CTNNA2: variants seen among roughly 807,000 people sequenced by gnomAD.
CTNNA2 encodes the protein catenin alpha 2.
Under a neutral mutation model 101.0 loss-of-function variants are expected in CTNNA2, and 42 were observed. That is an observed-to-expected ratio of 0.42 (90% CI 0.32 to 0.54). CTNNA2 has a LOEUF of 0.54. Ranked by LOEUF, CTNNA2 falls within the 20% of genes least tolerant of loss-of-function variation. The probability of loss-of-function intolerance (pLI) is 0.14; values close to 1 mark genes in which losing one functional copy is unlikely to be tolerated. For synonymous variants in CTNNA2, 450 were observed against 456.4 expected, an observed-to-expected ratio of 0.99 and a Z score of 0.18; for missense variants, 871 against 1,223.1, an observed-to-expected ratio of 0.71 and a Z score of 4.29.
At chr2:80,419,682 G>A (rs1680344469) in intron 9 of CTNNA2, 81 bp downstream of exon 9, 2 of 1,386,076 alleles carry the variant, frequency 1.4e-6, no homozygotes, top group Admixed American at 4.2e-5. Flanking sequence ...TCACTAGAGA[G>A]ATATTCTATT....
chr2:79,380,208 A>G lies in CTNNA2; in HGVS notation c.-135+6195A>G, dbSNP rs979903545. Among the ~76,000 whole-genome samples the G allele has an allele frequency of 3.9e-5, 6 of 152,122 alleles. No individual in the cohort carries two copies. In the East Asian group the frequency reaches 7.7e-4, roughly 20 times the overall value. On this transcript the variant is annotated intron_variant, in intron 4 of 21. Coordinates refer to the CTNNA2 transcript ENST00000466387. ...CAGAGTCTTGTTTAGAGAAAAAGGT[A>G]TCACAGGGAATAAAATTGCAGTAGG... is the stretch of plus-strand genomic sequence containing the variant.
chr2:80,105,814 CTGTT>C (rs1452962739), intron 7 of CTNNA2, among the ~76,000 whole-genome samples: 2 of 152,112 alleles, frequency 1.3e-5, no homozygotes, highest in Non-Finnish European at 2.9e-5. Context: ...ACCCCTAGTT[CTGTT>C]TGTTTGTGCT....
At chr2:79,504,161 A>G (rs556443088) in intron 4 of CTNNA2, among the ~76,000 whole-genome samples, 20 of 152,306 alleles carry the variant, frequency 1.3e-4, no homozygotes, top group African/African-American at 4.6e-4. Context: ...AGATAAAGAA[A>G]GTTATTCTAA....
chr2:80,229,790 A>G lies in CTNNA2; in HGVS notation c.1057-163421A>G, dbSNP rs577434033. 6.6e-5 allele frequency among the ~76,000 whole-genome samples: 10 copies of G among 152,302 alleles called. No homozygotes were observed. In the South Asian group the frequency reaches 2.1e-3, roughly 32 times the overall value. ...GACCTTCCAAAAGTTACTCATTAAC[A>G]TAAACTCAGGTAAGGATGAAAGGGA... is the stretch of plus-strand genomic sequence containing the variant. On this transcript the variant is annotated intron_variant, in intron 7 of 18. Coordinates refer to ENST00000402739, the MANE Select transcript of CTNNA2 (RefSeq NM_001282597.3).
chr2:80,390,883 G>A (rs560243507), intron 7 of CTNNA2, among the ~76,000 whole-genome samples: 9 of 152,168 alleles, frequency 5.9e-5, no homozygotes, highest in African/African-American at 7.2e-5. Flanking sequence ...TGTAATACCA[G>A]CACTTAGGGA....
chr2:79,657,772 A>G lies in CTNNA2; in HGVS notation c.102+6114A>G, dbSNP rs532725983. ...AAAAATAGGATTTTTAAAGAATATA[A>G]TGGTGGCCTATATTTAGAAAACAAA... On this transcript the variant is annotated intron_variant, in intron 2 of 18. Transcript: ENST00000402739. Among the ~76,000 whole-genome samples the G allele has an allele frequency of 1.6e-4, 25 of 151,970 alleles. No individual in the cohort carries two copies. The South Asian group carries it at 2.3e-3, about 14-fold the overall frequency.
At chr2:79,656,026 G>T (rs531278500) in intron 2 of CTNNA2, among the ~76,000 whole-genome samples, 2 of 152,108 alleles carry the variant, frequency 1.3e-5, no homozygotes, top group South Asian at 4.1e-4. Context: ...GGCACTGTAA[G>T]TAGTCTTAAC....
chr2:79,841,850 T>C (rs1206391901), intron 3 of CTNNA2, among the ~76,000 whole-genome samples: 2 of 152,208 alleles, frequency 1.3e-5, no homozygotes, highest in African/African-American at 4.8e-5. Context: ...GGCTGTAAAG[T>C]TGTCTCTAGT....
chr2:80,533,638 C>G (rs1416222666), intron 9 of CTNNA2, among the ~76,000 whole-genome samples: 1 of 152,110 alleles, frequency 6.6e-6, no homozygotes, highest in African/African-American at 2.4e-5. Context: ...AGAGATGGAT[C>G]CTGGAGTTTT....
chr2:79,530,569 A>T (rs1297797754), intron 1 of CTNNA2, among the ~76,000 whole-genome samples: 1 of 152,104 alleles, frequency 6.6e-6, no homozygotes, highest in African/African-American at 2.4e-5. Context: ...CAGGCAGGAA[A>T]GGAGATCATA....
rs191783020 is a variant in CTNNA2, at chr2:79,247,096, A to C, written c.-406+49020A>C. 6.7e-3 allele frequency among the ~76,000 whole-genome samples: 1,024 copies of C among 152,282 alleles called. 7 individuals are homozygous for C. Among genetic ancestry groups the C allele is most frequent in the Admixed American group, 0.011 (164 of 15,296 alleles). On this transcript the variant is annotated intron_variant, in intron 2 of 21. Transcript: ENST00000466387. Reference sequence around the variant, plus strand: ...GCATGCTCAGTATCTTGTATTAGGCAGAGACAGCTTTTAGGAACCACTTGT... The same window carrying C: ...GCATGCTCAGTATCTTGTATTAGGCCGAGACAGCTTTTAGGAACCACTTGT...
intron 3 of CTNNA2, among the ~76,000 whole-genome samples, chr2:79,317,002 G>C (rs1261453650): frequency 1.3e-5 from 2 of 151,950 alleles, no homozygotes; most frequent in African/African-American, 2.4e-5. Flanking sequence ...TTCAGTCTTT[G>C]ATCTTTAAGT....
upstream of CTNNA2, among the ~76,000 whole-genome samples, chr2:79,509,523 A>G (rs1264853999): frequency 6.6e-6 from 1 of 152,192 alleles, no homozygotes; most frequent in Non-Finnish European, 1.5e-5. Context: ...TACATATTGC[A>G]TGACCCCAAC....
chr2:80,309,111 A>G (rs975187819), intron 7 of CTNNA2, among the ~76,000 whole-genome samples: 2 of 151,908 alleles, frequency 1.3e-5, no homozygotes, highest in African/African-American at 2.4e-5. Flanking sequence ...AAAGAAAAAA[A>G]AGAGAGAGAG....
intron 7 of CTNNA2, among the ~76,000 whole-genome samples, chr2:79,993,956 T>C (rs1012362081): frequency 6.6e-6 from 1 of 152,196 alleles, no homozygotes; most frequent in Non-Finnish European, 1.5e-5. Flanking sequence ...CAGGCTGGAA[T>C]GCAGTGACAC....
intron 11 of CTNNA2, 33 bp downstream of exon 11, chr2:80,546,096 G>A (rs1195702332): frequency 1.2e-6 from 2 of 1,609,730 alleles, no homozygotes. Context: ...TTACAAGGCA[G>A]CTGGAGGAGG....
chr2:79,265,372 A>C (rs1003082071), intron 2 of CTNNA2, among the ~76,000 whole-genome samples: 1 of 152,178 alleles, frequency 6.6e-6, no homozygotes, highest in Non-Finnish European at 1.5e-5. Flanking sequence ...GTGCCAAGAC[A>C]GCCTGTCAGG....
At chr2:79,480,736 C>T (rs139052870) in intron 4 of CTNNA2, among the ~76,000 whole-genome samples, 1 of 152,122 alleles carries the variant, frequency 6.6e-6, no homozygotes, top group Non-Finnish European at 1.5e-5. Context: ...CACTCTGGTA[C>T]TTCGATTTTT....
chr2:79,579,997 A>G (rs538507696), intron 1 of CTNNA2, among the ~76,000 whole-genome samples: 1 of 152,280 alleles, frequency 6.6e-6, no homozygotes, highest in South Asian at 2.1e-4. Flanking sequence ...TTAATGGCAA[A>G]TGCTCTTCTC....
Sources: allele counts gnomAD v4.1 joint callset (sites outside exome capture counted in the v4.1 genomes callset), GRCh38; gene constraint gnomAD v4.1.1; transcripts MANE v1.5; gene names NCBI Gene and HGNC (gene_info 2026-07-23, HGNC 2026-07-21).